SLC25A48: variants seen among roughly 807,000 people sequenced by gnomAD.
The protein encoded by SLC25A48 is CTC-321K16.1.
SLC25A48 carries 29 observed loss-of-function variants against 32.2 expected under a neutral mutation model. That is an observed-to-expected ratio of 0.90 (90% confidence interval 0.67 to 1.23). The LOEUF (loss-of-function observed/expected upper bound fraction) is 1.23. Ranked by LOEUF, SLC25A48 falls within the 50% of genes most tolerant of loss-of-function variation. SLC25A48 has a pLI of 0.00. For synonymous variants in SLC25A48, 164 were observed against 172.3 expected (o/e 0.95, Z 0.38); for missense variants, 399 against 422.7 (o/e 0.94, Z 0.49).
intron 3 of SLC25A48, among the ~76,000 whole-genome samples, chr5:135,749,907 G>C (rs894975195): frequency 2.0e-4 from 31 of 151,918 alleles, no homozygotes; most frequent in African/African-American, 5.6e-4. Flanking sequence ...GCTTCTTAAG[G>C]TGAGTGCTCC....
intron 3 of SLC25A48, among the ~76,000 whole-genome samples, chr5:135,734,276 A>G (rs111601766): frequency 6.6e-6 from 1 of 152,060 alleles, no homozygotes; most frequent in African/African-American, 2.4e-5. Context: ...AAGGGTGGCA[A>G]TGAGGTGTGG....
chr5:135,810,931 G>T (rs967012889), intron 3 of SLC25A48, among the ~76,000 whole-genome samples: 1 of 152,210 alleles, frequency 6.6e-6, no homozygotes, highest in East Asian at 1.9e-4. Context: ...ATCATGGGAG[G>T]GGTTGAGTGG....
chr5:135,886,615 ATATATATATATATAT>A lies in SLC25A48; in HGVS notation c.*8-1416_*8-1402del, dbSNP rs1561567611. Among the ~76,000 whole-genome samples, 165 of 34,934 alleles carry A rather than the reference ATATATATATATATAT, an allele frequency of 4.7e-3. 11 individuals carry two copies. The highest frequency in any genetic ancestry group is 0.026 in the African/African-American group (157 of 5,956). 22.9% of individuals were successfully genotyped at this position (34,934 alleles called of 152,430 possible). A position where few individuals can be genotyped will look rare whatever the true frequency, so the allele number is the denominator to read the frequency against. ...TATATATATATATATATATATATAT[ATATATATATATATAT>A]ATATATAAAATATATATATGTGTGT... is the stretch of plus-strand genomic sequence containing the variant. On this transcript the variant is annotated intron_variant, in intron 7 of 7. Transcript: ENST00000681962.
chr5:135,742,398 A>G, intron 3 of SLC25A48: 1 of 1,277,204 alleles, frequency 7.8e-7, no homozygotes, highest in Non-Finnish European at 1.0e-6. Flanking sequence ...CCGTTATTTA[A>G]TAGCCATCAC....
intron 3 of SLC25A48, among the ~76,000 whole-genome samples, chr5:135,721,889 C>G (rs1754964122): frequency 6.6e-6 from 1 of 152,216 alleles, no homozygotes; most frequent in Admixed American, 6.5e-5. Context: ...TGGAATTCTT[C>G]TTTATTATAA....
Position 135,736,253 on chromosome 5 carries a change from C to T in SLC25A48, c.-520-76270C>T, listed in dbSNP as rs183738570. ...AAAAATGCCTGGATGTAAGGCATCT[C>T]AGACCATTTGCCCATTTTTCGACAA... On this transcript the variant is annotated intron_variant, in intron 3 of 10. Transcript: ENST00000646290. 2.6e-3 allele frequency among the ~76,000 whole-genome samples: 393 copies of T among 152,250 alleles called. 2 individuals are homozygous for T. Among genetic ancestry groups the T allele is most frequent in the African/African-American group, 9.3e-3 (387 of 41,540 alleles).
chr5:135,878,523 G>T (rs959816861), intron 6 of SLC25A48, among the ~76,000 whole-genome samples: 1 of 152,126 alleles, frequency 6.6e-6, no homozygotes. Flanking sequence ...CATCTCTAGG[G>T]ATCCTTGTCC....
rs1554114687 is a variant in SLC25A48 at position 135,598,023 on chromosome 5, A to AC, written c.-849+18426_-849+18427insC. 6.3e-4 allele frequency among the ~76,000 whole-genome samples: 92 copies of AC among 147,076 alleles called. No individual in the cohort carries two copies. In the Middle Eastern group the frequency reaches 0.01, roughly 17 times the overall value. On this transcript the variant is annotated intron_variant, in intron 1 of 10. Coordinates refer to the SLC25A48 transcript ENST00000646290. ...TGTCTTAAAAAAAAAATCAAACCAAAAAACAAACAAACAAACAAACAAACA... is the reference window on the plus strand; with the variant it reads ...TGTCTTAAAAAAAAAATCAAACCAAACAAACAAACAAACAAACAAACAAACA...
intron 4 of SLC25A48, among the ~76,000 whole-genome samples, chr5:135,828,280 A>C (rs1408567891): frequency 6.6e-6 from 1 of 152,198 alleles, no homozygotes; most frequent in Non-Finnish European, 1.5e-5. Flanking sequence ...AGACGTGAAC[A>C]CTCAGGACAC....
intron 6 of SLC25A48, among the ~76,000 whole-genome samples, chr5:135,879,605 AGAGAGAGTGT>A (rs1270767219): frequency 9.6e-5 from 13 of 135,340 alleles, no homozygotes; most frequent in African/African-American, 2.9e-4. Context: ...AGAGAGAGAG[AGAGAGAGTGT>A]GTGTGTGTGT....
chr5:135,661,843 C>T (rs1381460151), intron 3 of SLC25A48, among the ~76,000 whole-genome samples: 1 of 152,186 alleles, frequency 6.6e-6, no homozygotes, highest in African/African-American at 2.4e-5. Context: ...AACAGCTACA[C>T]CCTACAGTGT....
At chr5:135,619,800 G>A in intron 1 of SLC25A48, among the ~76,000 whole-genome samples, 1 of 152,156 alleles carries the variant, frequency 6.6e-6, no homozygotes, top group East Asian at 1.9e-4. Flanking sequence ...GTGGCTTGGG[G>A]TATGGTTGTT....
chr5:135,886,635 AT>A (rs1463583589), intron 7 of SLC25A48, among the ~76,000 whole-genome samples: 14 of 25,846 alleles, frequency 5.4e-4, no homozygotes, highest in South Asian at 1.4e-3. Flanking sequence ...ATATATATAT[AT>A]AAAATATATA....
In SLC25A48 at chr5:135,632,199, G is replaced by A. The variant is rs568331628; in HGVS notation, c.-708-2570G>A. Among the ~76,000 whole-genome samples the A allele has an allele frequency of 8.5e-5, 13 of 152,328 alleles. No homozygotes were observed. The East Asian group carries it at 1.2e-3, about 14-fold the overall frequency. The stretch of plus-strand genomic sequence containing the variant: ...GATTCTGTCTTCTGTACTACAGTGC[G>A]TAGGCTTTGTCTTGAGGGCCATGGG... On this transcript the variant is annotated intron_variant, in intron 2 of 10. Coordinates refer to the SLC25A48 transcript ENST00000646290.
At chr5:135,657,032 C>T (rs1753267839) in intron 3 of SLC25A48, among the ~76,000 whole-genome samples, 1 of 152,172 alleles carries the variant, frequency 6.6e-6, no homozygotes, top group South Asian at 2.1e-4. Context: ...CCTGCCCCTC[C>T]ACCCTCTGGG....
intron 1 of SLC25A48, among the ~76,000 whole-genome samples, chr5:135,625,656 T>C (rs1580733006): frequency 1.3e-5 from 2 of 152,166 alleles, no homozygotes; most frequent in East Asian, 3.9e-4. Flanking sequence ...CCAAGATTCC[T>C]TGTGGCAGGC....
At chr5:135,630,360 A>T (rs1226920008) in intron 2 of SLC25A48, among the ~76,000 whole-genome samples, 1 of 152,146 alleles carries the variant, frequency 6.6e-6, no homozygotes, top group Admixed American at 6.5e-5. Context: ...ACTCAGCCCC[A>T]TGAGGGTAGT....
chr5:135,869,196 T>G (rs1342960747), intron 4 of SLC25A48, among the ~76,000 whole-genome samples: 1 of 152,156 alleles, frequency 6.6e-6, no homozygotes, highest in African/African-American at 2.4e-5. Context: ...CAAAAAAAAA[T>G]ATTGTGAATG....
At chr5:135,589,829 G>A (rs1002902549) in intron 1 of SLC25A48, among the ~76,000 whole-genome samples, 4 of 152,066 alleles carry the variant, frequency 2.6e-5, no homozygotes, top group African/African-American at 9.7e-5. Context: ...CGAGTAGCTG[G>A]GACTATAGGT....
Sources: allele counts gnomAD v4.1 joint callset (sites outside exome capture counted in the v4.1 genomes callset), GRCh38; gene constraint gnomAD v4.1.1; transcripts MANE v1.5; gene names NCBI Gene and HGNC (gene_info 2026-07-23, HGNC 2026-07-21).